DIABLO: variants seen among roughly 807,000 people sequenced by gnomAD.
DIABLO encodes the protein diablo IAP-binding mitochondrial protein.
In DIABLO, 32 loss-of-function variants were observed where a neutral mutation model predicts 31.7. The ratio of observed to expected loss-of-function variants is 1.01; its 90% CI spans 0.76 to 1.35. The LOEUF (loss-of-function observed/expected upper bound fraction) is 1.35, where lower values mean the gene tolerates loss of function less well. DIABLO is among the 40% of genes most tolerant of loss of function. The probability of loss-of-function intolerance (pLI) is 0.00; values close to 1 mark genes in which losing one functional copy is unlikely to be tolerated. For missense variants in DIABLO, 316 were observed against 286.4 expected, an observed-to-expected ratio of 1.10 and a Z score of -0.75; for synonymous variants, 132 against 103.2, an observed-to-expected ratio of 1.28 and a Z score of -1.69.
chr12:122,209,078 G>A (rs778849175), intron 5 of DIABLO: 17 of 281,778 alleles, frequency 6.0e-5, no homozygotes, highest in Non-Finnish European at 1.0e-4. Context: ...ATGTTTTGAA[G>A]GCCGGGCGCA....
Position 122,216,656 on chromosome 12 carries a change from G to T in DIABLO, c.427-72C>A, listed in dbSNP as rs7952820. 0.023 allele frequency: 35,510 copies of T among 1,552,786 alleles called. 2,713 individuals are homozygous for T. In the African/African-American group the frequency reaches 0.25, roughly 11 times the overall value. On this transcript the variant is annotated intron_variant, in intron 4 of 5. Coordinates refer to ENST00000464942, the MANE Select transcript of DIABLO (RefSeq NM_001371333.1). ...CCATTTAAATGGACTTAAAGTAGTA[G>T]ATTTAGAGAACACTGATTATATTGA...
chr12:122,216,941 C>T, intron 3 of DIABLO, 72 bp from the exon 4 acceptor site: 1 of 1,344,334 alleles, frequency 7.4e-7, no homozygotes, highest in Non-Finnish European at 1.1e-6. Flanking sequence ...AGATTTCCAC[C>T]TCAAGGAAAT....
At chr12:122,226,135 G>A (rs1954467379), upstream of DIABLO, 3 of 1,439,112 alleles carry the variant, frequency 2.1e-6, no homozygotes, top group Non-Finnish European at 2.8e-6. Context: ...ACCCAAGGAA[G>A]CAGTCGGGAT....
chr12:122,226,354 T>A (rs1222121583), upstream of DIABLO: 1 of 411,340 alleles, frequency 2.4e-6, no homozygotes, highest in Non-Finnish European at 4.3e-6. Flanking sequence ...GGGAATTTCC[T>A]GGTGAGTTAG....
intron 1 of DIABLO, 133 bp from the exon 2 acceptor site, chr12:122,224,777 G>A (rs1195787550): frequency 6.3e-7 from 1 of 1,581,652 alleles, no homozygotes; most frequent in South Asian, 1.1e-5. Flanking sequence ...CAGCTGAGGG[G>A]TTTTGAAATT....
chr12:122,226,336 G>C, upstream of DIABLO: 1 of 666,398 alleles, frequency 1.5e-6, no homozygotes, highest in Non-Finnish European at 2.7e-6. Context: ...TTCGGGCCAG[G>C]GCTTGAAGGG....
chr12:122,218,426 C>G (rs1471135400), intron 2 of DIABLO, 29 bp from the exon 3 acceptor site: 7 of 1,613,696 alleles, frequency 4.3e-6, no homozygotes, highest in Non-Finnish European at 5.9e-6. Context: ...GTCACTCAAC[C>G]TCTAAAGCTC....
intron 5 of DIABLO, among the ~76,000 whole-genome samples, chr12:122,212,406 CTATGTCTGAGGA>C (rs1294660795): frequency 1.3e-5 from 2 of 152,074 alleles, no homozygotes; most frequent in Non-Finnish European, 2.9e-5. Flanking sequence ...TACTTTGAGT[CTATGTCTGAGGA>C]TATCTTTTAT....
intron 5 of DIABLO, among the ~76,000 whole-genome samples, chr12:122,213,432 A>G (rs1954132635): frequency 6.6e-6 from 1 of 150,432 alleles, no homozygotes; most frequent in Non-Finnish European, 1.5e-5. Context: ...CCAGAGGCTA[A>G]GGCTGTAGTA....
chr12:122,212,729 A>C (rs1288127987), intron 5 of DIABLO, among the ~76,000 whole-genome samples: 1 of 151,016 alleles, frequency 6.6e-6, no homozygotes, highest in East Asian at 1.9e-4. Flanking sequence ...GGTTCACGCC[A>C]TTCTCCTGCC....
chr12:122,218,098 T>C (rs1954254621), intron 3 of DIABLO, among the ~76,000 whole-genome samples, 168 bp downstream of exon 3: 1 of 152,090 alleles, frequency 6.6e-6, no homozygotes, highest in African/African-American at 2.4e-5. Flanking sequence ...CCTTACAGCC[T>C]CTGTTGAAAC....
intron 4 of DIABLO, 45 bp from the exon 5 acceptor site, chr12:122,216,629 G>C (rs753115440): frequency 1.9e-6 from 3 of 1,591,350 alleles, no homozygotes; most frequent in Non-Finnish European, 2.6e-6. Context: ...AAGAGGTCTA[G>C]CCCATTTAAA....
chr12:122,227,430 T>G (rs1263469022), upstream of DIABLO: 1 of 454,050 alleles, frequency 2.2e-6, no homozygotes, highest in Non-Finnish European at 4.4e-6. Context: ...AGGTAGCTTG[T>G]GTGTATTCTG....
At chr12:122,226,690 G>A, upstream of DIABLO, 1 of 601,538 alleles carries the variant, frequency 1.7e-6, no homozygotes, top group South Asian at 1.9e-5. Context: ...AGCCCACAGT[G>A]CCGACCTCCC....
chr12:122,216,961 T>C (rs1954228637), intron 3 of DIABLO, 92 bp from the exon 4 acceptor site: 1 of 1,097,614 alleles, frequency 9.1e-7, no homozygotes, highest in Non-Finnish European at 1.4e-6. Flanking sequence ...TTAAGTCCCA[T>C]TACAGCAAAC....
chr12:122,219,852 AAG>A (rs1954296166), intron 2 of DIABLO, among the ~76,000 whole-genome samples: 2 of 150,730 alleles, frequency 1.3e-5, no homozygotes, highest in Admixed American at 1.3e-4. Flanking sequence ...GCGACAGAGC[AAG>A]ACTCTTTCGC....
At chr12:122,213,066 G>A (rs1276521592) in intron 5 of DIABLO, among the ~76,000 whole-genome samples, 7 of 152,012 alleles carry the variant, frequency 4.6e-5, no homozygotes, top group African/African-American at 1.2e-4. Flanking sequence ...GACTACAGGC[G>A]CCCATCACCA....
rs763641781 is a variant in DIABLO at position 122,207,859 on chromosome 12, C to T, written c.*522G>A. On this transcript the variant is annotated 3_prime_UTR_variant, in exon 6 of 6. Transcript: ENST00000464942. ...TCTTAGTAGTAATAGGTTTTTCACT[C>T]CTTGGCCTCAGCTGTCCTCACAGGA... 6.9e-5 allele frequency: 32 copies of T among 460,730 alleles called. No individual in the cohort carries two copies. The highest frequency in any genetic ancestry group is 1.3e-4 in the Non-Finnish European group (30 of 231,422). 28.5% of individuals were successfully genotyped at this position (460,730 alleles called of 1,614,324 possible).
chr12:122,220,333 C>G (rs894273473), intron 2 of DIABLO, among the ~76,000 whole-genome samples: 4 of 152,160 alleles, frequency 2.6e-5, no homozygotes, highest in Non-Finnish European at 4.4e-5. Context: ...ATACTGGCAA[C>G]TGTAATGACA....
Sources: allele counts gnomAD v4.1 joint callset (sites outside exome capture counted in the v4.1 genomes callset), GRCh38; gene constraint gnomAD v4.1.1; transcripts MANE v1.5; gene names NCBI Gene and HGNC (gene_info 2026-07-23, HGNC 2026-07-21).